Variants in GALM observed in about 807,000 individuals in gnomAD.
GALM encodes aldose 1-epimerase.
A neutral mutation model predicts 37.4 loss-of-function variants in GALM; 43 were observed. The observed-to-expected ratio is 1.15, with a 90% confidence interval of 0.90 to 1.48. GALM has a LOEUF of 1.48. GALM is among the 40% of genes most tolerant of loss of function. The probability of loss-of-function intolerance (pLI) is 0.00; values close to 1 mark genes in which losing one functional copy is unlikely to be tolerated. For missense variants in GALM, 456 were observed against 419.1 expected, an observed-to-expected ratio of 1.09 and a Z score of -0.77; for synonymous variants, 199 against 170.6, an observed-to-expected ratio of 1.17 and a Z score of -1.30.
At chr2:38,677,252 T>C (rs1665280532) in intron 2 of GALM, among the ~76,000 whole-genome samples, 1 of 152,190 alleles carries the variant, frequency 6.6e-6, no homozygotes, top group African/African-American at 2.4e-5. Context: ...ACCACCCAGG[T>C]TATTTGCTAG....
At chr2:38,702,582 T>C (rs1240529712) in intron 4 of GALM, among the ~76,000 whole-genome samples, 2 of 152,110 alleles carry the variant, frequency 1.3e-5, no homozygotes, top group Admixed American at 1.3e-4. Flanking sequence ...CTGTAGATTC[T>C]TTCTTGCTTA....
chr2:38,730,295 C>CTT (rs1666576224), intron 5 of GALM, among the ~76,000 whole-genome samples: 2 of 152,188 alleles, frequency 1.3e-5, no homozygotes, highest in South Asian at 4.1e-4. Context: ...GTGACGGAGT[C>CTT]TTGCTCTGTC....
At chr2:38,719,980 T>C (rs1007747063) in intron 4 of GALM, among the ~76,000 whole-genome samples, 6 of 151,800 alleles carry the variant, frequency 4.0e-5, no homozygotes, top group Admixed American at 2.0e-4. Flanking sequence ...ACCGGGTGGA[T>C]TGCTTGAGCC....
At chr2:38,723,072 T>C (rs1666416519) in intron 4 of GALM, among the ~76,000 whole-genome samples, 1 of 152,194 alleles carries the variant, frequency 6.6e-6, no homozygotes, top group African/African-American at 2.4e-5. Context: ...CCTTCATTCA[T>C]CAGTTTTTCA....
At chr2:38,713,022 G>A (rs1209820536) in intron 4 of GALM, among the ~76,000 whole-genome samples, 2 of 151,998 alleles carry the variant, frequency 1.3e-5, no homozygotes, top group South Asian at 2.1e-4. Context: ...CCCTTTTCAC[G>A]ATGCTGGGAT....
At chr2:38,731,268 C>T (rs1469683054) in intron 5 of GALM, among the ~76,000 whole-genome samples, 1 of 151,548 alleles carries the variant, frequency 6.6e-6, no homozygotes, top group Non-Finnish European at 1.5e-5. Flanking sequence ...CATGGTAGTG[C>T]GCACCTGCAG....
chr2:38,688,551 A>G (rs13421894), intron 3 of GALM, among the ~76,000 whole-genome samples: 4,343 of 151,898 alleles, frequency 0.029, 199 homozygotes, highest in African/African-American at 0.098. Flanking sequence ...ATCCCCTGAG[A>G]GACAAAATTA....
In GALM at chr2:38,689,893, A is replaced by G. The variant is rs1163904945; in HGVS notation, c.633A>G (p.Thr211=). The part of the protein sequence containing the change: ...YLPVDETLIP[T]GEVAPVQGTA... Reference sequence around the variant, plus strand: ...CTGTGGATGAAACCCTGATTCCTACAGGTTGGTGAATTTAACCTTTTTGTG... The same window carrying G: ...CTGTGGATGAAACCCTGATTCCTACGGGTTGGTGAATTTAACCTTTTTGTG... Residue 211 remains threonine, a splice_region_variant and synonymous_variant, in exon 4 of 7, where the codon ACA becomes ACG. Transcript: ENST00000272252. 2.5e-6 allele frequency: 4 copies of G among 1,594,266 alleles called. No individual in the cohort carries two copies. The Admixed American group carries it at 6.8e-5, about 27-fold the overall frequency.
At chr2:38,729,275 C>CCTCCTGGG (rs1170711825) in intron 4 of GALM, among the ~76,000 whole-genome samples, 1 of 152,124 alleles carries the variant, frequency 6.6e-6, no homozygotes, top group Non-Finnish European at 1.5e-5. Context: ...GTAGCCTCGA[C>CCTCCTGGG]CTCCTGGGCT....
chr2:38,726,534 C>G (rs1349570741), intron 4 of GALM, among the ~76,000 whole-genome samples: 1 of 151,994 alleles, frequency 6.6e-6, no homozygotes, highest in African/African-American at 2.4e-5. Flanking sequence ...CCAAGTCTCT[C>G]ACATTTAATC....
intron 4 of GALM, among the ~76,000 whole-genome samples, chr2:38,724,420 T>C (rs1027499897): frequency 6.6e-6 from 1 of 152,236 alleles, no homozygotes; most frequent in Non-Finnish European, 1.5e-5. Context: ...TTAGAGAATA[T>C]TCTTGAACGA....
At chr2:38,703,582 G>A (rs1336679966) in intron 4 of GALM, among the ~76,000 whole-genome samples, 2 of 152,144 alleles carry the variant, frequency 1.3e-5, no homozygotes, top group East Asian at 3.8e-4. Flanking sequence ...ATTGAACTCT[G>A]AGGTCCTGTC....
intron 2 of GALM, among the ~76,000 whole-genome samples, chr2:38,677,772 G>A (rs76767990): frequency 6.6e-6 from 1 of 152,148 alleles, no homozygotes; most frequent in South Asian, 2.1e-4. Context: ...GTAGGCCAAG[G>A]ACTCCTGAGG....
chr2:38,717,201 G>C (rs1218445279), intron 4 of GALM, among the ~76,000 whole-genome samples: 1 of 151,168 alleles, frequency 6.6e-6, no homozygotes, highest in African/African-American at 2.4e-5. Flanking sequence ...AGTGAGCCAA[G>C]ATCACGCCAT....
chr2:38,699,492 T>C (rs1266974576), intron 4 of GALM, among the ~76,000 whole-genome samples: 1 of 152,150 alleles, frequency 6.6e-6, no homozygotes, highest in African/African-American at 2.4e-5. Context: ...TAGCACTTAT[T>C]CCCCCTATCT....
intron 4 of GALM, among the ~76,000 whole-genome samples, chr2:38,720,281 G>C (rs181076664): frequency 3.9e-5 from 6 of 152,112 alleles, no homozygotes; most frequent in Admixed American, 1.3e-4. Context: ...TCTGAGGTCA[G>C]TTTAATGCCT....
chr2:38,689,224 A>C (rs1488185787), intron 3 of GALM, among the ~76,000 whole-genome samples: 1 of 152,206 alleles, frequency 6.6e-6, no homozygotes, highest in Non-Finnish European at 1.5e-5. Flanking sequence ...GCCTTCTGAC[A>C]CTGACCAGTA....
rs1052335031 is a variant in GALM, at chr2:38,719,945, C to G, written c.635-9611C>G. ...TTATTGTTTTGGCCAGGCGCGTTGG[C>G]TCACACCAACACTTTGGGAGGCTGA... On this transcript the variant is annotated intron_variant, in intron 4 of 6. Coordinates refer to ENST00000272252, the MANE Select transcript of GALM (RefSeq NM_138801.3). Among the ~76,000 whole-genome samples, 8 of 151,680 alleles carry G rather than the reference C, an allele frequency of 5.3e-5. No individual in the cohort carries two copies. In the South Asian group the frequency reaches 1.7e-3, roughly 32 times the overall value.
intron 4 of GALM, among the ~76,000 whole-genome samples, chr2:38,692,276 T>G (rs1665696520): frequency 6.6e-6 from 1 of 152,226 alleles, no homozygotes; most frequent in Admixed American, 6.5e-5. Flanking sequence ...AGAAACAAGC[T>G]AATTGTCTGA....
Sources: allele counts gnomAD v4.1 joint callset (sites outside exome capture counted in the v4.1 genomes callset), GRCh38; gene constraint gnomAD v4.1.1; transcripts MANE v1.5; gene names NCBI Gene and HGNC (gene_info 2026-07-23, HGNC 2026-07-21).